SPATA4: variants seen among roughly 807,000 people sequenced by gnomAD.
SPATA4 encodes the protein spermatogenesis associated 4, also known as spermatogenesis-associated protein 4.
In SPATA4, 35 loss-of-function variants were observed where a neutral mutation model predicts 31.8. That is an observed-to-expected ratio of 1.10 (90% confidence interval 0.84 to 1.46). SPATA4 has a LOEUF of 1.46. Among genes scored for constraint, SPATA4 ranks in the 40% most tolerant of loss-of-function variants. The pLI is 0.00. For synonymous variants in SPATA4, 126 were observed against 132.4 expected, an observed-to-expected ratio of 0.95 and a Z score of 0.33; for missense variants, 394 against 363.1, an observed-to-expected ratio of 1.09 and a Z score of -0.69.
chr4:176,191,567 T>C (rs1342969597), intron 4 of SPATA4, among the ~76,000 whole-genome samples: 2 of 152,226 alleles, frequency 1.3e-5, no homozygotes, highest in African/African-American at 4.8e-5. Flanking sequence ...GTTAGTCATC[T>C]TCTTTAAATT....
At chr4:176,193,295 A>C (rs1331251024) in intron 2 of SPATA4, among the ~76,000 whole-genome samples, 158 bp downstream of exon 2, 1 of 152,240 alleles carries the variant, frequency 6.6e-6, no homozygotes, top group Admixed American at 6.5e-5. Context: ...TCATGACATA[A>C]ACAGTTGGAA....
At chr4:176,185,747 A>T (rs1752430823) in intron 5 of SPATA4, among the ~76,000 whole-genome samples, 1 of 152,240 alleles carries the variant, frequency 6.6e-6, no homozygotes, top group Non-Finnish European at 1.5e-5. Flanking sequence ...AGCTGAATCC[A>T]CATCATTCAT....
intron 5 of SPATA4, among the ~76,000 whole-genome samples, chr4:176,185,441 C>T (rs1752425977): frequency 6.6e-6 from 1 of 152,070 alleles, no homozygotes; most frequent in Admixed American, 6.5e-5. Flanking sequence ...AAGAAAAAAG[C>T]AAAGGTAACA....
At chr4:176,186,294 C>A (rs113047026) in intron 5 of SPATA4, among the ~76,000 whole-genome samples, 8 of 152,312 alleles carry the variant, frequency 5.3e-5, no homozygotes, top group African/African-American at 1.9e-4. Flanking sequence ...GGTGACCCTG[C>A]TCTTTCCCTT....
intron 5 of SPATA4, 72 bp downstream of exon 5, chr4:176,188,047 T>C (rs987953663): frequency 4.4e-6 from 5 of 1,129,274 alleles, no homozygotes; most frequent in Non-Finnish European, 2.7e-6. Context: ...ATTTAACCGT[T>C]TTTTAAAACT....
chr4:176,190,275 T>G (rs1275920548), intron 4 of SPATA4, among the ~76,000 whole-genome samples: 1 of 152,170 alleles, frequency 6.6e-6, no homozygotes, highest in Non-Finnish European at 1.5e-5. Flanking sequence ...CTTAACAGAT[T>G]ACAGGTTTTC....
At chr4:176,188,873 G>C (rs547889549) in intron 4 of SPATA4, among the ~76,000 whole-genome samples, 116 of 152,272 alleles carry the variant, frequency 7.6e-4, no homozygotes, top group Non-Finnish European at 1.3e-3. Flanking sequence ...TGAAGAAGTT[G>C]CTAAGTTAAT....
At chr4:176,188,020 A>T in intron 5 of SPATA4, 99 bp downstream of exon 5, 1 of 857,790 alleles carries the variant, frequency 1.2e-6, no homozygotes, top group Non-Finnish European at 2.0e-6. Flanking sequence ...ATGTTGACCT[A>T]TACCAACATT....
intron 1 of SPATA4, chr4:176,193,868 G>A (rs1239412540): frequency 1.3e-5 from 3 of 224,424 alleles, no homozygotes; most frequent in South Asian, 2.6e-4. Flanking sequence ...TCAGAGGCAT[G>A]GTTGTAAGTA....
chr4:176,186,044 T>C (rs1198298904), intron 5 of SPATA4, among the ~76,000 whole-genome samples: 1 of 152,190 alleles, frequency 6.6e-6, no homozygotes, highest in African/African-American at 2.4e-5. Context: ...CAAAAATTCA[T>C]TTTACTTGGA....
chr4:176,195,347 G>T lies in SPATA4; in HGVS notation c.216C>A (p.Asn72Lys). 2 of 1,614,092 alleles carry T rather than the reference G, an allele frequency of 1.2e-6. No individual in the cohort carries two copies. Among genetic ancestry groups the T allele is most frequent in the African/African-American group, 2.7e-5 (2 of 75,040 alleles). ...LDLSFFPRNINRDFSNGFLIA... is the reference protein window; with the variant it reads ...LDLSFFPRNIKRDFSNGFLIA... The stretch of plus-strand genomic sequence containing the variant: ...CTAGGACTGGCTTACTCAAGCACCT[G>T]TTGATGTTCCTGGGGAAGAAGCTGA... Residue 72 changes from asparagine to lysine, a missense_variant and splice_region_variant, in exon 1 of 6, where the codon AAC becomes AAA. Asn to Lys is a moderately conservative substitution (Grantham distance 94, BLOSUM62 0). Coordinates refer to ENST00000280191, the MANE Select transcript of SPATA4 (RefSeq NM_144644.4).
rs1561241773 is a variant in SPATA4 at position 176,195,523 on chromosome 4, T to C, written c.40A>G (p.Thr14Ala). The change falls in exon 1 of 6, where the codon ACT (threonine) becomes GCT (alanine). Residue 14 changes from threonine (T) to alanine (A), a missense_variant. Transcript: ENST00000280191. ...GGTGACTTGTCTAGGGCTGCCGCAG[T>C]CTGTGTCAAATACCCTTTTTCCTGG... is the stretch of plus-strand genomic sequence containing the variant. ...AGQEKGYLTQ[T>A]AAALDKSPSL... The C allele has an allele frequency of 6.2e-7, 1 of 1,614,112 alleles. No homozygotes were observed. The highest frequency in any genetic ancestry group is 8.5e-7 in the Non-Finnish European group (1 of 1,180,048).
chr4:176,195,551 G>A lies in SPATA4; in HGVS notation c.12C>T (p.Ala4=). MAA[A]GQEKGYLTQT... ...GTGTCAAATACCCTTTTTCCTGGCC[G>A]GCGGCAGCCATGACGCTTTCTGGGT... Residue 4 remains alanine, a synonymous_variant, in exon 1 of 6, where the codon GCC becomes GCT. Coordinates refer to ENST00000280191, the MANE Select transcript of SPATA4 (RefSeq NM_144644.4). The A allele has an allele frequency of 6.2e-7, 1 of 1,614,026 alleles. No individual in the cohort carries two copies. Among genetic ancestry groups the A allele is most frequent in the Non-Finnish European group, 8.5e-7 (1 of 1,180,016 alleles).
chr4:176,189,472 C>G (rs1040846235), intron 4 of SPATA4, among the ~76,000 whole-genome samples: 2 of 150,110 alleles, frequency 1.3e-5, no homozygotes, highest in African/African-American at 4.9e-5. Flanking sequence ...AAAAAAAACT[C>G]AAAATAGTAT....
chr4:176,192,209 A>T (rs1383261269), intron 4 of SPATA4, among the ~76,000 whole-genome samples: 1 of 152,190 alleles, frequency 6.6e-6, no homozygotes, highest in Non-Finnish European at 1.5e-5. Context: ...TCTACATCCA[A>T]ACAAGCCTAC....
chr4:176,193,016 T>C lies in SPATA4; in HGVS notation c.409A>G (p.Lys137Glu), dbSNP rs749065080. Residue 137 changes from lysine to glutamate, a missense_variant, in exon 3 of 6, where the codon AAA (lysine) becomes GAA (glutamate). Coordinates refer to ENST00000280191, the MANE Select transcript of SPATA4 (RefSeq NM_144644.4). ...ATCAATATTTCAGGCACTCCAGCTT[T>C]ACAATGAATTGTTCCATGGATTAGT... ...KELIHGTIHC[K>E]AGVPEILIEE... The C allele has an allele frequency of 6.2e-6, 10 of 1,611,284 alleles. No individual in the cohort carries two copies. In the East Asian group the frequency reaches 2.2e-4, roughly 36 times the overall value.
rs371659904 is a variant in SPATA4, at chr4:176,195,426, G to A, written c.137C>T (p.Pro46Leu). Residue 46 changes from proline (P) to leucine (L), a missense_variant, in exon 1 of 6, where the codon CCG becomes CTG. Transcript: ENST00000280191. ...PKKCLVYPHAPKSSRLSRSVL... is the reference protein window; with the variant it reads ...PKKCLVYPHALKSSRLSRSVL... Reference sequence around the variant, plus strand: ...GGAACGAGACAAGCGGGAGCTCTTCGGCGCATGCGGATAGACCAGACACTT... The same window carrying A: ...GGAACGAGACAAGCGGGAGCTCTTCAGCGCATGCGGATAGACCAGACACTT... 31 of 1,614,124 alleles carry A rather than the reference G, an allele frequency of 1.9e-5. No homozygotes were observed. Among genetic ancestry groups the A allele is most frequent in the Non-Finnish European group, 2.6e-5 (31 of 1,180,054 alleles).
At chr4:176,190,820 T>A (rs754060322) in intron 4 of SPATA4, among the ~76,000 whole-genome samples, 22 of 152,108 alleles carry the variant, frequency 1.4e-4, no homozygotes, top group Non-Finnish European at 1.6e-4. Flanking sequence ...TAAGGGTTTG[T>A]GTGATTAGAT....
At chr4:176,192,457 C>T (rs1461014333) in intron 4 of SPATA4, among the ~76,000 whole-genome samples, 170 bp downstream of exon 4, 1 of 152,162 alleles carries the variant, frequency 6.6e-6, no homozygotes, top group Non-Finnish European at 1.5e-5. Context: ...GATTTATAAA[C>T]CACTCCAATG....
Sources: gnomAD v4.1 joint callset for allele counts (sites outside exome capture counted in the v4.1 genomes callset) on GRCh38, gnomAD v4.1.1 for gene constraint, MANE v1.5 for transcripts, NCBI Gene and HGNC (gene_info 2026-07-23, HGNC 2026-07-21) for gene names.